Variants in BTBD1 observed in about 807,000 individuals in gnomAD.
BTBD1 encodes BTB domain containing 1.
Under a neutral mutation model 48.0 loss-of-function variants are expected in BTBD1, and 34 were observed. That is an observed-to-expected ratio of 0.71 (90% CI 0.54 to 0.94). The LOEUF is 0.94. Ranked by LOEUF, BTBD1 falls within the 40% of genes least tolerant of loss-of-function variation. The pLI is 0.00. For missense variants in BTBD1, 543 were observed against 625.6 expected (o/e 0.87, Z 1.41); for synonymous variants, 261 against 242.1 (o/e 1.08, Z -0.72).
At chr15:83,064,211 G>A (rs919832532) in intron 1 of BTBD1, among the ~76,000 whole-genome samples, 1 of 152,070 alleles carries the variant, frequency 6.6e-6, no homozygotes. Flanking sequence ...GTACTATCAG[G>A]CATCTTTTTG....
chr15:83,067,222 C>G lies in BTBD1; in HGVS notation c.-71G>C. 2 of 1,306,150 alleles carry G rather than the reference C, an allele frequency of 1.5e-6. No individual in the cohort carries two copies. The highest frequency in any genetic ancestry group is 2.0e-6 in the Non-Finnish European group (2 of 1,022,226). The allele number at this position is 1,306,150 out of a possible 1,614,324, so 80.9% of individuals were successfully genotyped here. ...CATCGCCCAGGCCGCCTCCGGAGGC[C>G]GGCGCTGCCTCCCTGCCTTCCGGGA... On this transcript the variant is annotated 5_prime_UTR_variant, in exon 1 of 8. Coordinates refer to ENST00000261721, the MANE Select transcript of BTBD1 (RefSeq NM_025238.4).
intron 3 of BTBD1, among the ~76,000 whole-genome samples, chr15:83,048,999 A>G (rs2032931178): frequency 6.6e-6 from 1 of 152,240 alleles, no homozygotes; most frequent in Admixed American, 6.5e-5. Context: ...TCAAAAGCAA[A>G]TAACATAGTG....
chr15:83,066,569 C>T (rs2033275720), intron 1 of BTBD1, among the ~76,000 whole-genome samples, 182 bp downstream of exon 1: 1 of 152,156 alleles, frequency 6.6e-6, no homozygotes, highest in East Asian at 1.9e-4. Flanking sequence ...CGTCCTGGTT[C>T]ACAGATTTCG....
chr15:83,019,538 T>A (rs988464211), intron 6 of BTBD1, among the ~76,000 whole-genome samples: 1 of 151,552 alleles, frequency 6.6e-6, no homozygotes, highest in African/African-American at 2.4e-5. Context: ...AATTTTAATG[T>A]ACCTATAATC....
chr15:83,039,472 A>C lies in BTBD1; in HGVS notation c.862+2256T>G, dbSNP rs564081838. On this transcript the variant is annotated intron_variant, in intron 4 of 7. Coordinates refer to ENST00000261721, the MANE Select transcript of BTBD1 (RefSeq NM_025238.4). Reference sequence around the variant, plus strand: ...TGGGAAGCAGTTTGGAGATTTTTTAAAGAACTCAGAACTACCAAGGTTGGG... The same window carrying C: ...TGGGAAGCAGTTTGGAGATTTTTTACAGAACTCAGAACTACCAAGGTTGGG... Among the ~76,000 whole-genome samples, 11 of 152,232 alleles carry C rather than the reference A, an allele frequency of 7.2e-5. No homozygotes were observed. In the East Asian group the frequency reaches 2.1e-3, roughly 29 times the overall value.
chr15:83,020,378 C>A, intron 6 of BTBD1: 1 of 238,196 alleles, frequency 4.2e-6, no homozygotes, highest in Non-Finnish European at 8.0e-6. Context: ...GTTGAAAGGG[C>A]CATGAAAAAG....
rs565108673 is a variant in BTBD1 at position 83,045,562 on chromosome 15, A to C, written c.665-3637T>G. Among the ~76,000 whole-genome samples the C allele has an allele frequency of 1.5e-3, 236 of 152,306 alleles. 8 individuals carry two copies. In the South Asian group the frequency reaches 0.047, roughly 30 times the overall value. On this transcript the variant is annotated intron_variant, in intron 3 of 7. Coordinates refer to ENST00000261721, the MANE Select transcript of BTBD1 (RefSeq NM_025238.4). ...AATGGTCTACACATGCTAAGAGCCA[A>C]ATATTTGCTTAATATCAAACATAAG...
At chr15:83,053,524 C>A (rs1315747496) in intron 2 of BTBD1, among the ~76,000 whole-genome samples, 1 of 152,144 alleles carries the variant, frequency 6.6e-6, no homozygotes, top group Non-Finnish European at 1.5e-5. Flanking sequence ...CCTACTGAAC[C>A]AGTATCTGCA....
intron 1 of BTBD1, among the ~76,000 whole-genome samples, chr15:83,060,560 G>A (rs1428717363): frequency 6.6e-5 from 10 of 151,882 alleles, no homozygotes; most frequent in African/African-American, 1.5e-4. Context: ...TTGGGAGGCC[G>A]AGGCAGGCGG....
At chr15:83,021,160 A>G (rs1052954107) in intron 5 of BTBD1, among the ~76,000 whole-genome samples, 2 of 152,246 alleles carry the variant, frequency 1.3e-5, no homozygotes, top group African/African-American at 4.8e-5. Flanking sequence ...ATATTTAGGT[A>G]CTAGGCTTGG....
At chr15:83,046,908 G>T (rs143321906) in intron 3 of BTBD1, among the ~76,000 whole-genome samples, 4 of 152,166 alleles carry the variant, frequency 2.6e-5, no homozygotes. Flanking sequence ...CGAGGGTGGG[G>T]TATCAGCTCC....
chr15:83,056,605 TCA>T, intron 1 of BTBD1, 60 bp from the exon 2 acceptor site: 1 of 1,428,390 alleles, frequency 7.0e-7, no homozygotes, highest in Non-Finnish European at 9.8e-7. Context: ...AAGCAATCCA[TCA>T]CAGTTAAATT....
intron 3 of BTBD1, among the ~76,000 whole-genome samples, chr15:83,045,643 T>C (rs941703636): frequency 3.3e-5 from 5 of 152,218 alleles, no homozygotes; most frequent in African/African-American, 1.2e-4. Flanking sequence ...CTTAATACCA[T>C]GTTAAAAATA....
At chr15:83,041,094 G>C (rs929994806) in intron 4 of BTBD1, among the ~76,000 whole-genome samples, 1 of 147,952 alleles carries the variant, frequency 6.8e-6, no homozygotes, top group Non-Finnish European at 1.5e-5. Flanking sequence ...GGAGGCTTCA[G>C]TGAAATGCGT....
chr15:83,040,318 T>A lies in BTBD1; in HGVS notation c.862+1410A>T, dbSNP rs138511863. Among the ~76,000 whole-genome samples the A allele has an allele frequency of 2.6e-4, 39 of 152,270 alleles. No individual in the cohort carries two copies. In the East Asian group the frequency reaches 6.8e-3, roughly 26 times the overall value. ...TCACTGCCTAAGTGATGCAATCAAC[T>A]GTACCTCAAACTTCAGCATCACACA... On this transcript the variant is annotated intron_variant, in intron 4 of 7. Coordinates refer to ENST00000261721, the MANE Select transcript of BTBD1 (RefSeq NM_025238.4).
chr15:83,021,742 A>AAAAAATAATAATAATAATAATAAT (rs71451679), intron 5 of BTBD1, among the ~76,000 whole-genome samples: 1 of 145,378 alleles, frequency 6.9e-6, no homozygotes, highest in Non-Finnish European at 1.5e-5. Flanking sequence ...ACTCCTTCTC[A>AAAAAATAATAATAATAATAATAAT]AATAATAATA....
intron 5 of BTBD1, chr15:83,029,920 T>G: frequency 3.5e-6 from 2 of 579,708 alleles, no homozygotes; most frequent in Non-Finnish European, 6.0e-6. Flanking sequence ...CCTTTCTTAC[T>G]CTATTTTTTT....
rs747615582 is a variant in BTBD1, at chr15:83,041,732, T to A, written c.858A>T (p.Ala286=). Residue 286 remains alanine, a synonymous_variant, in exon 4 of 8, where the codon GCA becomes GCT. Coordinates refer to ENST00000261721, the MANE Select transcript of BTBD1 (RefSeq NM_025238.4). Reference sequence around the variant, plus strand: ...TTGGTGAATTTATACCCTTACCTGCTGCAAATTCCTCAATTGTCATCAGTG... The same window carrying A: ...TTGGTGAATTTATACCCTTACCTGCAGCAAATTCCTCAATTGTCATCAGTG... ...RFPLMTIEEF[A]AGPAQSGILS... is the part of the protein sequence containing the mutation. 3 of 1,614,024 alleles carry A rather than the reference T, an allele frequency of 1.9e-6. No homozygotes were observed. The South Asian group carries it at 3.3e-5, about 18-fold the overall frequency.
At chr15:83,018,908 T>A (rs59417219) in intron 6 of BTBD1, 55 bp from the exon 7 acceptor site, 9 of 1,428,134 alleles carry the variant, frequency 6.3e-6, no homozygotes. Context: ...AAGCAAACTA[T>A]AGAAAATAAT....
Sources: allele counts gnomAD v4.1 joint callset (sites outside exome capture counted in the v4.1 genomes callset), GRCh38; gene constraint gnomAD v4.1.1; transcripts MANE v1.5; gene names NCBI Gene and HGNC (gene_info 2026-07-23, HGNC 2026-07-21).